Variants in ROBO1 observed in about 807,000 individuals in gnomAD.
ROBO1 encodes roundabout homolog 1.
In ROBO1, 149 loss-of-function variants were observed where a neutral mutation model predicts 195.9. That is an observed-to-expected ratio of 0.76 (90% CI 0.67 to 0.87). The LOEUF (loss-of-function observed/expected upper bound fraction) is 0.87, where lower values mean the gene tolerates loss of function less well. Among genes scored for constraint, ROBO1 ranks in the 40% least tolerant of loss-of-function variants. The probability of loss-of-function intolerance (pLI) is 0.00; values close to 1 mark genes in which losing one functional copy is unlikely to be tolerated. For synonymous variants in ROBO1, 816 were observed against 733.2 expected (o/e 1.11, Z -1.82); for missense variants, 1,933 against 2,068.3 (o/e 0.93, Z 1.27).
chr3:79,138,817 T>C (rs1262443651), intron 2 of ROBO1, among the ~76,000 whole-genome samples: 1 of 151,932 alleles, frequency 6.6e-6, no homozygotes, highest in Admixed American at 6.6e-5. Context: ...AATTCTGATA[T>C]AGATATATAG....
chr3:79,621,243 C>T (rs1460962511), intron 1 of ROBO1, among the ~76,000 whole-genome samples: 1 of 152,110 alleles, frequency 6.6e-6, no homozygotes, highest in African/African-American at 2.4e-5. Flanking sequence ...CCTTGTGAGC[C>T]CTGCCCCTGC....
At chr3:79,481,446 G>A (rs1010442482) in intron 2 of ROBO1, among the ~76,000 whole-genome samples, 1 of 152,116 alleles carries the variant, frequency 6.6e-6, no homozygotes, top group Non-Finnish European at 1.5e-5. Context: ...GAATAGCCTA[G>A]GAGCTCTTTT....
chr3:79,235,237 C>T (rs1307469425), intron 2 of ROBO1, among the ~76,000 whole-genome samples: 1 of 152,080 alleles, frequency 6.6e-6, no homozygotes, highest in Non-Finnish European at 1.5e-5. Context: ...GTAGTCTAAA[C>T]ACATTATTGA....
At chr3:78,813,330 T>C (rs2084801135) in intron 4 of ROBO1, among the ~76,000 whole-genome samples, 1 of 152,082 alleles carries the variant, frequency 6.6e-6, no homozygotes, top group South Asian at 2.1e-4. Context: ...ACATCTTGTC[T>C]GAACTTAAAG....
At chr3:78,900,577 C>G (rs2107466689) in intron 4 of ROBO1, among the ~76,000 whole-genome samples, 2 of 152,216 alleles carry the variant, frequency 1.3e-5, no homozygotes, top group East Asian at 3.9e-4. Flanking sequence ...TTAGATTTAG[C>G]TACATAAACA....
rs371658411 is a variant in ROBO1 at position 79,251,210 on chromosome 3, T to C, written c.89-125671A>G. Among the ~76,000 whole-genome samples, 34 of 152,298 alleles carry C rather than the reference T, an allele frequency of 2.2e-4. No individual in the cohort carries two copies. In the East Asian group the frequency reaches 4.2e-3, roughly 19 times the overall value. On this transcript the variant is annotated intron_variant, in intron 2 of 30. Coordinates refer to ENST00000464233, the MANE Select transcript of ROBO1 (RefSeq NM_002941.4). ...AATAAAATTTATTTAAATGGTTTAA[T>C]ATTAATAGAGACAGATGCAAAAGCA...
intron 1 of ROBO1, among the ~76,000 whole-genome samples, chr3:79,590,268 A>C (rs367967189): frequency 6.6e-6 from 1 of 151,694 alleles, no homozygotes; most frequent in African/African-American, 2.4e-5. Flanking sequence ...TTTCCCACCA[A>C]TTTAGTTGGA....
intron 3 of ROBO1, among the ~76,000 whole-genome samples, chr3:79,097,584 A>G (rs1455827): frequency 1 from 151,463 of 151,844 alleles, 75,544 homozygotes; most frequent in Middle Eastern, 1. Context: ...GCTTTATGTC[A>G]AGTCAGTTCA....
At chr3:78,685,631 T>A in intron 10 of ROBO1, 115 bp downstream of exon 10, 1 of 616,846 alleles carries the variant, frequency 1.6e-6, no homozygotes, top group Admixed American at 3.6e-5. Flanking sequence ...TTTTAGGTTT[T>A]ACACTAAAAT....
intron 2 of ROBO1, among the ~76,000 whole-genome samples, chr3:79,446,401 T>C (rs867749421): frequency 1.8e-4 from 27 of 152,310 alleles, no homozygotes; most frequent in South Asian, 2.1e-4. Flanking sequence ...ATAATAATAT[T>C]TCAGTACATT....
intron 3 of ROBO1, among the ~76,000 whole-genome samples, chr3:79,047,239 A>G (rs374810883): frequency 1.3e-5 from 2 of 152,150 alleles, no homozygotes; most frequent in African/African-American, 4.8e-5. Context: ...GGTGGAAAGT[A>G]GAAAATGTGC....
At chr3:79,590,220 T>G (rs1943955953) in intron 1 of ROBO1, among the ~76,000 whole-genome samples, 1 of 151,912 alleles carries the variant, frequency 6.6e-6, no homozygotes, top group African/African-American at 2.4e-5. Flanking sequence ...GTTTTCTCTA[T>G]TTTTTAGAGG....
At position 79,045,031 on chromosome 3, in the gene ROBO1, T is replaced by C. The variant is rs1236134432; in HGVS notation, c.172+80425A>G. ...TATGTTTGCCTGTTTCAGCATGTGA[T>C]AGGAATTGGGCTGTCAGCAAAGAAT... On this transcript the variant is annotated intron_variant, in intron 3 of 30. Coordinates refer to ENST00000464233, the MANE Select transcript of ROBO1 (RefSeq NM_002941.4). 3.3e-5 allele frequency among the ~76,000 whole-genome samples: 5 copies of C among 152,024 alleles called. No individual in the cohort carries two copies. In the East Asian group the frequency reaches 7.7e-4, roughly 23 times the overall value.
intron 2 of ROBO1, among the ~76,000 whole-genome samples, chr3:79,549,296 C>T (rs377192056): frequency 1.3e-4 from 19 of 151,950 alleles, no homozygotes; most frequent in South Asian, 2.1e-4. Flanking sequence ...ATGTGATATA[C>T]GACATAAAAT....
rs528921944 is a variant in ROBO1 at position 78,742,806 on chromosome 3, T to A, written c.657+3937A>T. 3.9e-5 allele frequency among the ~76,000 whole-genome samples: 6 copies of A among 152,310 alleles called. No homozygotes were observed. The East Asian group carries it at 7.7e-4, about 20-fold the overall frequency. On this transcript the variant is annotated intron_variant, in intron 5 of 30. Coordinates refer to ENST00000464233, the MANE Select transcript of ROBO1 (RefSeq NM_002941.4). Reference sequence around the variant, plus strand: ...TTTTTACAACTTTAAACTGTTTGATTCCTTGTTGTAGGTGGTTCTTACATT... The same window carrying A: ...TTTTTACAACTTTAAACTGTTTGATACCTTGTTGTAGGTGGTTCTTACATT...
chr3:79,039,735 A>AG (rs200517806), intron 3 of ROBO1, among the ~76,000 whole-genome samples: 1,453 of 134,030 alleles, frequency 0.011, 13 homozygotes, highest in Non-Finnish European at 0.018. Context: ...CGGGAGGCAG[A>AG]GGTTGCAGGT....
chr3:79,305,323 C>A (rs1485483320), intron 2 of ROBO1, among the ~76,000 whole-genome samples: 1 of 151,772 alleles, frequency 6.6e-6, no homozygotes, highest in Admixed American at 6.6e-5. Context: ...CCCGTCTTTA[C>A]TAAAAATACA....
chr3:79,145,842 A>G (rs941923004), intron 2 of ROBO1, among the ~76,000 whole-genome samples: 2 of 152,050 alleles, frequency 1.3e-5, no homozygotes, highest in Non-Finnish European at 2.9e-5. Flanking sequence ...ATTAAATAAA[A>G]TAAAATGATC....
intron 11 of ROBO1, 26 bp from the exon 12 acceptor site, chr3:78,668,591 A>G (rs1267713497): frequency 4.3e-6 from 7 of 1,609,448 alleles, no homozygotes; most frequent in Non-Finnish European, 5.1e-6. Context: ...AAAAATAAAT[A>G]TTTGGAAAAA....
Sources: gnomAD v4.1 joint callset for allele counts (sites outside exome capture counted in the v4.1 genomes callset) on GRCh38, gnomAD v4.1.1 for gene constraint, MANE v1.5 for transcripts, NCBI Gene and HGNC (gene_info 2026-07-23, HGNC 2026-07-21) for gene names.